EFNA5: variants seen among roughly 807,000 people sequenced by gnomAD.
EFNA5 encodes the protein ephrin A5.
Under a neutral mutation model 22.9 loss-of-function variants are expected in EFNA5, and 5 were observed. The observed-to-expected ratio is 0.22, with a 90% CI of 0.11 to 0.46. The LOEUF (loss-of-function observed/expected upper bound fraction) is 0.46, where lower values mean the gene tolerates loss of function less well. Ranked by LOEUF, EFNA5 falls within the 20% of genes least tolerant of loss-of-function variation. The pLI, the probability that EFNA5 is intolerant of heterozygous loss-of-function variation, is 0.99. For missense variants in EFNA5, 237 were observed against 293.3 expected, an observed-to-expected ratio of 0.81 and a Z score of 1.40; for synonymous variants, 113 against 112.2, an observed-to-expected ratio of 1.01 and a Z score of -0.04.
chr5:107,513,184 CCT>C (rs1377268579), intron 1 of EFNA5, among the ~76,000 whole-genome samples: 10 of 152,014 alleles, frequency 6.6e-5, no homozygotes, highest in African/African-American at 2.4e-4. Flanking sequence ...GTGCTTAAGT[CCT>C]ACTGTAGTCA....
intron 1 of EFNA5, among the ~76,000 whole-genome samples, chr5:107,527,561 A>G (rs1226120796): frequency 6.6e-6 from 1 of 152,114 alleles, no homozygotes; most frequent in Non-Finnish European, 1.5e-5. Flanking sequence ...CTGAGATTAC[A>G]GGCATGAGCC....
intron 4 of EFNA5, among the ~76,000 whole-genome samples, chr5:107,384,919 AAGAAACAC>A (rs1747571979): frequency 6.6e-6 from 1 of 151,408 alleles, no homozygotes. Flanking sequence ...TCACACCTGT[AAGAAACAC>A]ATTTCTTATT....
intron 1 of EFNA5, among the ~76,000 whole-genome samples, chr5:107,454,631 G>A (rs915874349): frequency 7.2e-5 from 11 of 151,930 alleles, no homozygotes; most frequent in African/African-American, 2.7e-4. Context: ...TGAAAGTTTG[G>A]GGAAATTTTA....
intron 1 of EFNA5, among the ~76,000 whole-genome samples, chr5:107,553,572 C>A (rs1748345824): frequency 6.6e-6 from 1 of 152,178 alleles, no homozygotes. Context: ...AGACCTTGAC[C>A]TTGAACAGAA....
intron 1 of EFNA5, among the ~76,000 whole-genome samples, chr5:107,601,921 C>G (rs1749604222): frequency 6.6e-6 from 1 of 152,140 alleles, no homozygotes; most frequent in Non-Finnish European, 1.5e-5. Flanking sequence ...CCTCAAAAAC[C>G]TATGTTTTTG....
rs1422886134 is a variant in EFNA5 at position 107,660,571 on chromosome 5, A to G, written c.125+9918T>C. 7.9e-5 allele frequency among the ~76,000 whole-genome samples: 12 copies of G among 152,062 alleles called. No homozygotes were observed. In the East Asian group the frequency reaches 2.3e-3, roughly 29 times the overall value. ...AGCTTTATATTTTGATACTATAGGTAAAGAGTACAAAGATTTCATTTCAAA... is the reference window on the plus strand; with the variant it reads ...AGCTTTATATTTTGATACTATAGGTGAAGAGTACAAAGATTTCATTTCAAA... On this transcript the variant is annotated intron_variant, in intron 1 of 4. Transcript: ENST00000333274.
intron 1 of EFNA5, among the ~76,000 whole-genome samples, chr5:107,438,303 C>CA (rs1391522119): frequency 2.6e-5 from 4 of 152,192 alleles, no homozygotes; most frequent in African/African-American, 9.6e-5. Flanking sequence ...ATTGCCATCC[C>CA]AATTACACAG....
intron 1 of EFNA5, among the ~76,000 whole-genome samples, chr5:107,642,517 A>G (rs1432020571): frequency 6.6e-6 from 1 of 151,872 alleles, no homozygotes; most frequent in Non-Finnish European, 1.5e-5. Context: ...TCGATTCTCA[A>G]CCCTCCAAAA....
rs201171573 is a variant in EFNA5 at position 107,670,637 on chromosome 5, C to T, written c.-24G>A. ...ATCACGCCTGGCCAGCGGCGGAGCC[C>T]CCGACGCGCCACTCCGGGGAGAGAG... On this transcript the variant is annotated 5_prime_UTR_variant, in exon 1 of 5. Coordinates refer to ENST00000333274, the MANE Select transcript of EFNA5 (RefSeq NM_001962.3). 6 of 1,595,964 alleles carry T rather than the reference C, an allele frequency of 3.8e-6. No individual in the cohort carries two copies. Among genetic ancestry groups the T allele is most frequent in the Admixed American group, 1.7e-5 (1 of 58,846 alleles).
chr5:107,634,383 G>A (rs1750329765), intron 1 of EFNA5, among the ~76,000 whole-genome samples: 1 of 152,108 alleles, frequency 6.6e-6, no homozygotes, highest in Admixed American at 6.6e-5. Flanking sequence ...TGGGCATGGT[G>A]GTATGCATCT....
chr5:107,408,254 T>G (rs553416564), intron 2 of EFNA5, among the ~76,000 whole-genome samples: 150 of 152,160 alleles, frequency 9.9e-4, no homozygotes, highest in Middle Eastern at 6.8e-3. Flanking sequence ...CTTATAAAAT[T>G]TTTATCTCAA....
intron 1 of EFNA5, among the ~76,000 whole-genome samples, chr5:107,488,055 T>C (rs1746691636): frequency 6.6e-6 from 1 of 152,200 alleles, no homozygotes; most frequent in African/African-American, 2.4e-5. Flanking sequence ...AATTAATGTT[T>C]TGAGCCTGGG....
chr5:107,553,604 CCTG>C (rs1192416368), intron 1 of EFNA5, among the ~76,000 whole-genome samples: 1 of 152,186 alleles, frequency 6.6e-6, no homozygotes, highest in Non-Finnish European at 1.5e-5. Context: ...ACTAACATAG[CCTG>C]CTTTCTCCTA....
At chr5:107,636,729 C>T (rs992903774) in intron 1 of EFNA5, among the ~76,000 whole-genome samples, 3 of 152,150 alleles carry the variant, frequency 2.0e-5, no homozygotes, top group African/African-American at 4.8e-5. Flanking sequence ...ATAACACTTC[C>T]TCTATTAAAG....
chr5:107,622,373 G>A (rs1041927771), intron 1 of EFNA5, among the ~76,000 whole-genome samples: 5 of 152,116 alleles, frequency 3.3e-5, no homozygotes, highest in African/African-American at 4.8e-5. Flanking sequence ...CTGAATTGCT[G>A]GGTTGGGGTC....
At chr5:107,407,636 T>C (rs1748259490) in intron 2 of EFNA5, among the ~76,000 whole-genome samples, 1 of 152,156 alleles carries the variant, frequency 6.6e-6, no homozygotes, top group South Asian at 2.1e-4. Flanking sequence ...AGAACCCAAT[T>C]TTTAGGAATT....
chr5:107,464,202 C>T (rs1456006079), intron 1 of EFNA5, among the ~76,000 whole-genome samples: 7 of 152,072 alleles, frequency 4.6e-5, no homozygotes, highest in African/African-American at 1.4e-4. Flanking sequence ...GCCCCGGGAC[C>T]AGCAGCACTT....
chr5:107,398,068 C>T (rs1747976443), intron 2 of EFNA5, among the ~76,000 whole-genome samples: 1 of 152,156 alleles, frequency 6.6e-6, no homozygotes, highest in African/African-American at 2.4e-5. Flanking sequence ...CGGTCTCTCT[C>T]TGTGGCCCAG....
chr5:107,638,062 C>T (rs1352090720), intron 1 of EFNA5, among the ~76,000 whole-genome samples: 1 of 151,532 alleles, frequency 6.6e-6, no homozygotes, highest in African/African-American at 2.4e-5. Flanking sequence ...ACCATGTTAG[C>T]CAGGATGGTC....
Sources: allele counts gnomAD v4.1 joint callset (sites outside exome capture counted in the v4.1 genomes callset), GRCh38; gene constraint gnomAD v4.1.1; transcripts MANE v1.5; gene names NCBI Gene and HGNC (gene_info 2026-07-23, HGNC 2026-07-21).